The following IRX5 variants were observed in gnomAD, a reference collection of about 807,000 sequenced individuals.
The protein encoded by IRX5 is iroquois-class homeodomain protein IRX-5.
IRX5 carries 8 observed loss-of-function variants against 37.6 expected under a neutral mutation model. The observed-to-expected ratio is 0.21, with a 90% CI of 0.12 to 0.38. The LOEUF is 0.38. IRX5 is among the 10% of genes least tolerant of loss of function. IRX5 has a pLI of 1.00. For synonymous variants in IRX5, 359 were observed against 328.6 expected, an observed-to-expected ratio of 1.09 and a Z score of -1.00; for missense variants, 635 against 695.2, an observed-to-expected ratio of 0.91 and a Z score of 0.97.
Position 54,933,258 on chromosome 16 carries a change from G to A in IRX5, c.837G>A (p.Ala279=), listed in dbSNP as rs769340343. 4 of 1,329,056 alleles carry A rather than the reference G, an allele frequency of 3.0e-6. No individual in the cohort carries two copies. The highest frequency in any genetic ancestry group is 4.2e-5 in the South Asian group (2 of 47,696). 82.3% of individuals were successfully genotyped at this position (1,329,056 alleles called of 1,614,324 possible). Residue 279 remains alanine, a synonymous_variant, in exon 3 of 3, where the codon GCG becomes GCA. Transcript: ENST00000394636. ...GCGGGCCCTCCCCGGCTGGGCCAGC[G>A]GCGGCGCGGCTGGCGGAGGACCCGG... ...RTGGPSPAGP[A]AARLAEDPAP... is the part of the protein sequence containing the mutation.
Position 54,933,721 on chromosome 16 carries a change from G to A in IRX5, c.1300G>A (p.Gly434Ser). ...HPGPGPGPTT[G>S]PGSHFNGLNQ... ...GGGGCCCGGGCCAGGCCCCACAACCGGTCCGGGGTCTCATTTCAATGGATT... is the reference window on the plus strand; with the variant it reads ...GGGGCCCGGGCCAGGCCCCACAACCAGTCCGGGGTCTCATTTCAATGGATT... Residue 434 changes from glycine (G) to serine (S), a missense_variant, in exon 3 of 3, where the codon GGT becomes AGT. Around this residue, in one of 5 missense-constraint regions of IRX5, gnomAD observed 188 missense variants for 200.8 expected, o/e 0.94. Coordinates refer to ENST00000394636, the MANE Select transcript of IRX5 (RefSeq NM_005853.6). 1 of 1,613,866 alleles carries A rather than the reference G, an allele frequency of 6.2e-7. No individual in the cohort carries two copies. The highest frequency in any genetic ancestry group is 8.5e-7 in the Non-Finnish European group (1 of 1,179,972).
chr16:54,932,994 G>A lies in IRX5; in HGVS notation c.656-83G>A. Reference sequence around the variant, plus strand: ...CGCGCACGGGGCCTGGAGGTTGGGGGCAGGGGTCCCTGCCTTTGCGGGCGG... The same window carrying A: ...CGCGCACGGGGCCTGGAGGTTGGGGACAGGGGTCCCTGCCTTTGCGGGCGG... On this transcript the variant is annotated intron_variant, in intron 2 of 2. Transcript: ENST00000394636. This position sits in a 1 kb window ranked among gnomAD's most constrained non-coding sequence, Gnocchi z 6.7. The A allele has an allele frequency of 6.3e-7, 1 of 1,598,158 alleles. No homozygotes were observed. The highest frequency in any genetic ancestry group is 1.1e-5 in the South Asian group (1 of 89,276).
In IRX5 at chr16:54,932,872, G is replaced by C. The variant is rs1012203916; in HGVS notation, c.624G>C (p.Glu208Asp). 4.3e-6 allele frequency: 7 copies of C among 1,612,866 alleles called. No homozygotes were observed. Among genetic ancestry groups the C allele is most frequent in the Middle Eastern group, 1.7e-4 (1 of 6,050 alleles). ...KNDEDEPQKP[E>D]DKGDPEGPEA... Reference sequence around the variant, plus strand: ...ACGAGGACGAGCCCCAGAAGCCCGAGGACAAGGGCGACCCCGAGGGCCCCG... The same window carrying C: ...ACGAGGACGAGCCCCAGAAGCCCGACGACAAGGGCGACCCCGAGGGCCCCG... The change falls in exon 2 of 3, where the codon GAG becomes GAC. Residue 208 changes from glutamate (E) to aspartate (D), a missense_variant. By Grantham distance (45) the Glu-to-Asp change is conservative (BLOSUM62 2). This residue lies in a region of IRX5 where 244 missense variants were observed against 205.4 expected (regional missense o/e 1.19). Coordinates refer to ENST00000394636, the MANE Select transcript of IRX5 (RefSeq NM_005853.6). The surrounding 1 kb of genome is among the most constrained non-coding windows in gnomAD (Gnocchi z 6.7).
Position 54,930,881 on chromosome 16 carries a change from CT to C in IRX5, c.-315del, listed in dbSNP as rs1437924600. On this transcript the variant is annotated 5_prime_UTR_variant, in exon 1 of 3. Coordinates refer to ENST00000394636, the MANE Select transcript of IRX5 (RefSeq NM_005853.6). The stretch of plus-strand genomic sequence containing the variant: ...TTCCAACTTAGCATCTTGGCAGGAC[CT>C]TTGCAAAGGCAAAAGCAGAGCCCCC... 1.3e-5 allele frequency: 2 copies of C among 152,380 alleles called. No individual in the cohort carries two copies. The highest frequency in any genetic ancestry group is 4.8e-5 in the African/African-American group (2 of 41,476). 9.4% of individuals were successfully genotyped at this position (152,380 alleles called of 1,614,324 possible).
Position 54,932,474 on chromosome 16 carries a change from C to T in IRX5, c.250-24C>T, listed in dbSNP as rs559690566. 1 of 1,588,188 alleles carries T rather than the reference C, an allele frequency of 6.3e-7. No individual in the cohort carries two copies. The highest frequency in any genetic ancestry group is 2.2e-5 in the East Asian group (1 of 44,594). On this transcript the variant is annotated intron_variant, in intron 1 of 2. Transcript: ENST00000394636. This position sits in a 1 kb window ranked among gnomAD's most constrained non-coding sequence, Gnocchi z 6.7. The stretch of plus-strand genomic sequence containing the variant: ...GGCAGTGGAGACCACGGTCCACACT[C>T]ACCTCTCTGCGTCTCCACCGCAGGG...
rs1196257210 is a variant in IRX5, at chr16:54,932,031, A to C, written c.250-467A>C. 1 of 701,260 alleles carries C rather than the reference A, an allele frequency of 1.4e-6. No homozygotes were observed. The highest frequency in any genetic ancestry group is 2.6e-6 in the Non-Finnish European group (1 of 384,224). The allele number at this position is 701,260 out of a possible 1,614,324, so 43.4% of individuals were successfully genotyped here. A position where few individuals can be genotyped will look rare whatever the true frequency, so the allele number is the denominator to read the frequency against. On this transcript the variant is annotated intron_variant, in intron 1 of 2. Coordinates refer to ENST00000394636, the MANE Select transcript of IRX5 (RefSeq NM_005853.6). The surrounding 1 kb of genome is among the most constrained non-coding windows in gnomAD (Gnocchi z 6.7). The stretch of plus-strand genomic sequence containing the variant: ...GGGTGGGAGTGCGTGGGCATGGCTC[A>C]GCTTTTTGTTTGCATTTCTTAGCTG...
chr16:54,933,340 G>A lies in IRX5; in HGVS notation c.919G>A (p.Val307Met). ...CGGCCCGCATCCAGCCGCGGGCGAG[G>A]TGCCTCCGGGTCCCGGCGGGCCCTC... is the stretch of plus-strand genomic sequence containing the variant. ...APGPHPAAGE[V>M]PPGPGGPSVI... Residue 307 changes from valine (V) to methionine (M), a missense_variant, in exon 3 of 3, where the codon GTG (valine) becomes ATG (methionine). Transcript: ENST00000394636. 1 of 1,482,400 alleles carries A rather than the reference G, an allele frequency of 6.7e-7. No individual in the cohort carries two copies. Among genetic ancestry groups the A allele is most frequent in the Non-Finnish European group, 8.9e-7 (1 of 1,120,884 alleles). 91.8% of individuals were successfully genotyped at this position (1,482,400 alleles called of 1,614,324 possible).
Position 54,931,361 on chromosome 16 carries a change from A to G in IRX5, c.163A>G (p.Thr55Ala), listed in dbSNP as rs1415389483. ...GCCCTACGCTGGCTCGACTGCCTTC[A>G]CGGCGCCCTCGCCGGGCTACAACTC... The part of the protein sequence containing the change: ...FSPYAGSTAF[T>A]APSPGYNSHL... The change falls in exon 1 of 3, where the codon ACG becomes GCG. Residue 55 changes from threonine (T) to alanine (A), a missense_variant. Coordinates refer to ENST00000394636, the MANE Select transcript of IRX5 (RefSeq NM_005853.6). 5 of 1,606,912 alleles carry G rather than the reference A, an allele frequency of 3.1e-6. No homozygotes were observed. Among genetic ancestry groups the G allele is most frequent in the Non-Finnish European group, 4.2e-6 (5 of 1,179,396 alleles).
Position 54,930,999 on chromosome 16 carries a change from A to T in IRX5, c.-200A>T. On this transcript the variant is annotated 5_prime_UTR_variant, in exon 1 of 3. Transcript: ENST00000394636. ...CAGCTGGGGCGAGCGAGGCGCGCAG[A>T]GGAGCGGGCGCGGCGGTCGCAGCCG... is the stretch of plus-strand genomic sequence containing the variant. The T allele has an allele frequency of 6.1e-6, 1 of 162,856 alleles. No homozygotes were observed. The highest frequency in any genetic ancestry group is 1.3e-5 in the Non-Finnish European group (1 of 77,268). The allele number at this position is 162,856 out of a possible 1,614,324, so 10.1% of individuals were successfully genotyped here.
chr16:54,933,537 A>G lies in IRX5; in HGVS notation c.1116A>G (p.Gly372=), dbSNP rs370016055. The change falls in exon 3 of 3, where the codon GGA becomes GGG. Residue 372 remains glycine, a synonymous_variant. Coordinates refer to ENST00000394636, the MANE Select transcript of IRX5 (RefSeq NM_005853.6). Reference sequence around the variant, plus strand: ...GGCCCATAGCCGGGCAAGCCCTAGGAGGCAGCCGGGCGTCGCCGGCCCCGG... The same window carrying G: ...GGCCCATAGCCGGGCAAGCCCTAGGGGGCAGCCGGGCGTCGCCGGCCCCGG... ...CPGPIAGQAL[G]GSRASPAPAP... is the part of the protein sequence containing the mutation. 2 of 1,608,126 alleles carry G rather than the reference A, an allele frequency of 1.2e-6. No individual in the cohort carries two copies. Among genetic ancestry groups the G allele is most frequent in the African/African-American group, 2.7e-5 (2 of 74,854 alleles).
Position 54,933,338 on chromosome 16 carries a change from A to T in IRX5, c.917A>T (p.Glu306Val). 6.8e-7 allele frequency: 1 copy of T among 1,479,678 alleles called. No individual in the cohort carries two copies. Among genetic ancestry groups the T allele is most frequent in the Non-Finnish European group, 8.9e-7 (1 of 1,119,600 alleles). The allele number at this position is 1,479,678 out of a possible 1,614,324, so 91.7% of individuals were successfully genotyped here. A position where few individuals can be genotyped will look rare whatever the true frequency, so the allele number is the denominator to read the frequency against. ...CCCGGCCCGCATCCAGCCGCGGGCGAGGTGCCTCCGGGTCCCGGCGGGCCC... is the reference window on the plus strand; with the variant it reads ...CCCGGCCCGCATCCAGCCGCGGGCGTGGTGCCTCCGGGTCCCGGCGGGCCC... The part of the protein sequence containing the change: ...PAPGPHPAAG[E>V]VPPGPGGPSV... The change falls in exon 3 of 3, where the codon GAG (glutamate) becomes GTG (valine). Residue 306 changes from glutamate (E) to valine (V), a missense_variant. This residue lies in a region of IRX5 where 244 missense variants were observed against 205.4 expected (regional missense o/e 1.19). Transcript: ENST00000394636.
In IRX5 at chr16:54,933,609, G is replaced by A. The variant is rs767854433; in HGVS notation, c.1188G>A (p.Thr396=). 3.7e-5 allele frequency: 59 copies of A among 1,610,218 alleles called. No individual in the cohort carries two copies. Among genetic ancestry groups the A allele is most frequent in the Middle Eastern group, 1.6e-4 (1 of 6,072 alleles). Residue 396 remains threonine (T), a synonymous_variant, in exon 3 of 3, where the codon ACG becomes ACA. Coordinates refer to ENST00000394636, the MANE Select transcript of IRX5 (RefSeq NM_005853.6). ...PSAQCPFPGG[T]VLSRPLYYTA... is the part of the protein sequence containing the mutation. ...CGCAGTGTCCTTTTCCAGGCGGGAC[G>A]GTGCTGTCCCGGCCTCTCTACTACA...
rs13336114 is a variant in IRX5 at position 54,933,184 on chromosome 16, C to T, written c.763C>T (p.Pro255Ser). 1.3e-6 allele frequency: 2 copies of T among 1,551,098 alleles called. No homozygotes were observed. The highest frequency in any genetic ancestry group is 1.4e-5 in the African/African-American group (1 of 73,548). ...CCTCAGCGACTCGGATTTTAAGGAG[C>T]CGCCCTCGGAGGGCCGCCTCGACGC... ...GSLSDSDFKEPPSEGRLDALQ... is the reference protein window; with the variant it reads ...GSLSDSDFKESPSEGRLDALQ... The change falls in exon 3 of 3, where the codon CCG becomes TCG. Residue 255 changes from proline (P) to serine (S), a missense_variant. Pro to Ser is a moderately conservative substitution (Grantham distance 74). This residue lies in a region of IRX5 where 244 missense variants were observed against 205.4 expected (regional missense o/e 1.19). Coordinates refer to ENST00000394636, the MANE Select transcript of IRX5 (RefSeq NM_005853.6).
Position 54,932,007 on chromosome 16 carries a change from G to A in IRX5, c.250-491G>A. ...TCGGTCTGGGGTAGTATTTTTGGAG[G>A]GTGGGAGTGCGTGGGCATGGCTCAG... On this transcript the variant is annotated intron_variant, in intron 1 of 2. Transcript: ENST00000394636. The surrounding 1 kb of genome is among the most constrained non-coding windows in gnomAD (Gnocchi z 6.7). The A allele has an allele frequency of 1.4e-6, 1 of 694,282 alleles. No homozygotes were observed. Among genetic ancestry groups the A allele is most frequent in the South Asian group, 1.5e-5 (1 of 67,078 alleles). The allele number at this position is 694,282 out of a possible 1,614,324, so 43.0% of individuals were successfully genotyped here. A position where few individuals can be genotyped will look rare whatever the true frequency, so the allele number is the denominator to read the frequency against.
In IRX5 at chr16:54,932,510, G is replaced by T; in HGVS notation, c.262G>T (p.Asp88Tyr). The T allele has an allele frequency of 6.2e-7, 1 of 1,611,466 alleles. No homozygotes were observed. Among genetic ancestry groups the T allele is most frequent in the Non-Finnish European group, 8.5e-7 (1 of 1,178,540 alleles). Residue 88 changes from aspartate (D) to tyrosine (Y), a missense_variant, in exon 2 of 3, where the codon GAC becomes TAC. Around this residue, in one of 5 missense-constraint regions of IRX5, gnomAD observed 145 missense variants for 152.4 expected, o/e 0.95. Coordinates refer to ENST00000394636, the MANE Select transcript of IRX5 (RefSeq NM_005853.6). The surrounding 1 kb of genome is among the most constrained non-coding windows in gnomAD (Gnocchi z 6.7). ...AFSSYVGSPY[D>Y]HTPGMAGSLG... ...GTCTCCACCGCAGGGCTCTCCCTACGACCACACACCCGGCATGGCGGGCTC... is the reference window on the plus strand; with the variant it reads ...GTCTCCACCGCAGGGCTCTCCCTACTACCACACACCCGGCATGGCGGGCTC...
rs754254029 is a variant in IRX5, at chr16:54,932,006, G to T, written c.250-492G>T. Reference sequence around the variant, plus strand: ...TTCGGTCTGGGGTAGTATTTTTGGAGGGTGGGAGTGCGTGGGCATGGCTCA... The same window carrying T: ...TTCGGTCTGGGGTAGTATTTTTGGATGGTGGGAGTGCGTGGGCATGGCTCA... On this transcript the variant is annotated intron_variant, in intron 1 of 2. Coordinates refer to ENST00000394636, the MANE Select transcript of IRX5 (RefSeq NM_005853.6). The surrounding 1 kb of genome is among the most constrained non-coding windows in gnomAD (Gnocchi z 6.7). The T allele has an allele frequency of 7.2e-6, 5 of 693,556 alleles. No individual in the cohort carries two copies. Among genetic ancestry groups the T allele is most frequent in the Admixed American group, 6.1e-5 (3 of 48,986 alleles). 43.0% of individuals were successfully genotyped at this position (693,556 alleles called of 1,614,324 possible). A position where few individuals can be genotyped will look rare whatever the true frequency, so the allele number is the denominator to read the frequency against.
At position 54,931,414 on chromosome 16, in the gene IRX5, G is replaced by A; in HGVS notation, c.216G>A (p.Ala72=). ...NSHLQYGADP[A]AAAAAAFSSY... ...ACCTCCAGTACGGCGCCGACCCCGC[G>A]GCCGCCGCCGCCGCCGCCTTCTCCT... Residue 72 remains alanine, a synonymous_variant, in exon 1 of 3, where the codon GCG becomes GCA. Transcript: ENST00000394636. 6.3e-7 allele frequency: 1 copy of A among 1,591,960 alleles called. No homozygotes were observed.
chr16:54,934,363 TGAAA>T lies in IRX5; in HGVS notation c.*495_*498del, dbSNP rs1963944200. On this transcript the variant is annotated 3_prime_UTR_variant, in exon 3 of 3. Coordinates refer to ENST00000394636, the MANE Select transcript of IRX5 (RefSeq NM_005853.6). ...AGGTTATACTCTTAGATTTAAAAAGTGAAAGAAACTGCAGGCGCCTTTGTAAAAT... is the reference window on the plus strand; with the variant it reads ...AGGTTATACTCTTAGATTTAAAAAGTGAAACTGCAGGCGCCTTTGTAAAAT... 6.6e-6 allele frequency: 1 copy of T among 152,666 alleles called. No homozygotes were observed. Among genetic ancestry groups the T allele is most frequent in the Non-Finnish European group, 1.5e-5 (1 of 68,062 alleles). The allele number at this position is 152,666 out of a possible 1,614,324, so 9.5% of individuals were successfully genotyped here. A position where few individuals can be genotyped will look rare whatever the true frequency, so the allele number is the denominator to read the frequency against.
rs1487897176 is a variant in IRX5, at chr16:54,933,358, G to T, written c.937G>T (p.Gly313Trp). The change falls in exon 3 of 3, where the codon GGG becomes TGG. Residue 313 changes from glycine to tryptophan, a missense_variant. Around this residue, in one of 5 missense-constraint regions of IRX5, gnomAD observed 244 missense variants for 205.4 expected, o/e 1.19. Coordinates refer to ENST00000394636, the MANE Select transcript of IRX5 (RefSeq NM_005853.6). ...AAGEVPPGPGGPSVIHSPPPP... is the reference protein window; with the variant it reads ...AAGEVPPGPGWPSVIHSPPPP... Reference sequence around the variant, plus strand: ...GGGCGAGGTGCCTCCGGGTCCCGGCGGGCCCTCGGTTATCCATTCGCCGCC... The same window carrying T: ...GGGCGAGGTGCCTCCGGGTCCCGGCTGGCCCTCGGTTATCCATTCGCCGCC... 15 of 1,498,776 alleles carry T rather than the reference G, an allele frequency of 1.0e-5. No homozygotes were observed. The highest frequency in any genetic ancestry group is 1.2e-5 in the Non-Finnish European group (14 of 1,128,512). 92.8% of individuals were successfully genotyped at this position (1,498,776 alleles called of 1,614,324 possible). A position where few individuals can be genotyped will look rare whatever the true frequency, so the allele number is the denominator to read the frequency against.
Sources: allele counts gnomAD v4.1 joint callset, GRCh38; gene constraint gnomAD v4.1.1; regional missense constraint gnomAD v4.1.1; non-coding constraint Gnocchi (gnomAD v3.1); transcripts MANE v1.5; gene names NCBI Gene and HGNC (gene_info 2026-07-23, HGNC 2026-07-21).